Variants in BUB1B observed in about 807,000 individuals in gnomAD.
BUB1B encodes the protein BUB1 mitotic checkpoint serine/threonine kinase B.
In BUB1B, 86 loss-of-function variants were observed where a neutral mutation model predicts 137.7. The observed-to-expected ratio is 0.62, with a 90% CI of 0.52 to 0.75. The LOEUF (loss-of-function observed/expected upper bound fraction) is 0.75, where lower values mean the gene tolerates loss of function less well. Among genes scored for constraint, BUB1B ranks in the 30% least tolerant of loss-of-function variants. The pLI, the probability that BUB1B is intolerant of heterozygous loss-of-function variation, is 0.00. For synonymous variants in BUB1B, 420 were observed against 417.9 expected, an observed-to-expected ratio of 1.00 and a Z score of -0.06; for missense variants, 1,130 against 1,236.9, an observed-to-expected ratio of 0.91 and a Z score of 1.30.
intron 10 of BUB1B, 32 bp downstream of exon 10, chr15:40,199,759 A>T (rs950702845): frequency 2.1e-6 from 3 of 1,440,726 alleles, no homozygotes; most frequent in African/African-American, 2.8e-5. Context: ...ACAAAACTAG[A>T]ATTTATTGAA....
chr15:40,199,166 T>C (rs2037533438), intron 9 of BUB1B, among the ~76,000 whole-genome samples: 1 of 152,210 alleles, frequency 6.6e-6, no homozygotes, highest in African/African-American at 2.4e-5. Flanking sequence ...CAGAATGATC[T>C]TCCCTGATCA....
At position 40,208,322 on chromosome 15, in the gene BUB1B, G is replaced by A. The variant is rs563998139; in HGVS notation, c.2010-315G>A. Among the ~76,000 whole-genome samples the A allele has an allele frequency of 8.7e-4, 132 of 152,280 alleles. 1 individual carries two copies. The highest frequency in any genetic ancestry group is 3.4e-3 in the Middle Eastern group (1 of 294). On this transcript the variant is annotated intron_variant, in intron 15 of 22. Coordinates refer to ENST00000287598, the MANE Select transcript of BUB1B (RefSeq NM_001211.6). ...GGAGGCTGAGACGGGTGGACCATCT[G>A]AAGTCAGGAGTTCAAGACCAGTCTG...
intron 5 of BUB1B, among the ~76,000 whole-genome samples, chr15:40,180,763 C>T (rs1224609923): frequency 6.7e-6 from 1 of 149,690 alleles, no homozygotes; most frequent in Non-Finnish European, 1.5e-5. Context: ...CATTCTCCTG[C>T]CTCAGCCTCC....
At chr15:40,180,718 C>G (rs1274202266) in intron 5 of BUB1B, among the ~76,000 whole-genome samples, 5 of 134,380 alleles carry the variant, frequency 3.7e-5, no homozygotes, top group African/African-American at 2.8e-5. Flanking sequence ...GGCGCAATCT[C>G]GGCTCACTGC....
chr15:40,162,838 A>G (rs1235955656), intron 1 of BUB1B, among the ~76,000 whole-genome samples: 1 of 152,162 alleles, frequency 6.6e-6, no homozygotes, highest in Non-Finnish European at 1.5e-5. Flanking sequence ...TTCAACAAAC[A>G]GGGCATAATA....
Position 40,210,018 on chromosome 15 carries a change from C to G in BUB1B, c.2285-92C>G, listed in dbSNP as rs2037691092. On this transcript the variant is annotated intron_variant, in intron 17 of 22. Transcript: ENST00000287598. Reference sequence around the variant, plus strand: ...TAGATACTACTAACTGGCAAATACACCAGTGCCTCTATCCCTTAAACCAGG... The same window carrying G: ...TAGATACTACTAACTGGCAAATACAGCAGTGCCTCTATCCCTTAAACCAGG... 3 of 1,099,552 alleles carry G rather than the reference C, an allele frequency of 2.7e-6. No homozygotes were observed. In the East Asian group the frequency reaches 7.2e-5, roughly 27 times the overall value. 68.1% of individuals were successfully genotyped at this position (1,099,552 alleles called of 1,614,324 possible).
At position 40,164,916 on chromosome 15, in the gene BUB1B, A is replaced by G; in HGVS notation, c.36-137A>G. The G allele has an allele frequency of 6.5e-6, 7 of 1,081,346 alleles. 1 individual carries two copies. The South Asian group carries it at 7.0e-5, about 11-fold the overall frequency. 67.0% of individuals were successfully genotyped at this position (1,081,346 alleles called of 1,614,324 possible). On this transcript the variant is annotated intron_variant, in intron 1 of 22. Coordinates refer to ENST00000287598, the MANE Select transcript of BUB1B (RefSeq NM_001211.6). ...AACAAAGAAGCTTAGGCATATAATA[A>G]TAATAATAATTATGTGTCAGTCCAC... is the stretch of plus-strand genomic sequence containing the variant.
intron 19 of BUB1B, among the ~76,000 whole-genome samples, chr15:40,213,080 C>A (rs190683364): frequency 2.7e-4 from 41 of 149,826 alleles, no homozygotes; most frequent in African/African-American, 9.4e-4. Flanking sequence ...ATTTTAAATC[C>A]ATTTATTAAG....
intron 5 of BUB1B, among the ~76,000 whole-genome samples, chr15:40,177,265 C>T (rs1448302188): frequency 1.3e-5 from 2 of 152,058 alleles, no homozygotes; most frequent in Non-Finnish European, 2.9e-5. Context: ...TTGTATGGAT[C>T]GTGCTTTTGA....
chr15:40,220,690 A>C lies in BUB1B; in HGVS notation c.3084A>C (p.Gln1028His). 6.2e-7 allele frequency: 1 copy of C among 1,614,208 alleles called. No homozygotes were observed. Among genetic ancestry groups the C allele is most frequent in the Non-Finnish European group, 8.5e-7 (1 of 1,180,042 alleles). ...ATGGGGTTTTTGACACTACATTCCA[A>C]AGTCACCTGAACAAAGCCTTATGGA... ...EMNGVFDTTF[Q>H]SHLNKALWKV... The change falls in exon 23 of 23, where the codon CAA (glutamine) becomes CAC (histidine). Residue 1028 changes from glutamine (Q) to histidine (H), a missense_variant. Transcript: ENST00000287598.
chr15:40,199,628 C>G lies in BUB1B; in HGVS notation c.1302C>G (p.Thr434=). ...LKEQREAELL[T]SAEKRAEMQK... ...TACTGTTTCTAGCCGAGCTATTGAC[C>G]AGTGCAGAGAAGAGAGCAGAAATGC... Residue 434 remains threonine (T), a synonymous_variant, in exon 10 of 23, where the codon ACC becomes ACG. Transcript: ENST00000287598. 1 of 1,613,792 alleles carries G rather than the reference C, an allele frequency of 6.2e-7. No homozygotes were observed. Among genetic ancestry groups the G allele is most frequent in the Middle Eastern group, 1.7e-4 (1 of 6,060 alleles).
intron 2 of BUB1B, among the ~76,000 whole-genome samples, chr15:40,168,994 T>G (rs2037131097): frequency 6.6e-6 from 1 of 152,228 alleles, no homozygotes; most frequent in African/African-American, 2.4e-5. Flanking sequence ...TAGTTCATTT[T>G]TCATTTGTGT....
At chr15:40,182,510 C>G (rs1466956796) in intron 5 of BUB1B, among the ~76,000 whole-genome samples, 1 of 152,174 alleles carries the variant, frequency 6.6e-6, no homozygotes, top group Non-Finnish European at 1.5e-5. Flanking sequence ...AAGACCTTTG[C>G]TGTGTTGCTT....
At chr15:40,193,041 G>A (rs1354103118) in intron 8 of BUB1B, among the ~76,000 whole-genome samples, 1 of 151,634 alleles carries the variant, frequency 6.6e-6, no homozygotes, top group Non-Finnish European at 1.5e-5. Context: ...TTAAAGATGG[G>A]GTCTCACTGT....
intron 2 of BUB1B, 30 bp from the exon 3 acceptor site, chr15:40,170,032 A>G (rs1157348193): frequency 5.1e-6 from 8 of 1,570,928 alleles, no homozygotes; most frequent in Middle Eastern, 1.7e-4. Context: ...TCACTATTGC[A>G]TATGCTAACT....
At chr15:40,187,613 A>G (rs190012403) in intron 8 of BUB1B, among the ~76,000 whole-genome samples, 230 of 152,176 alleles carry the variant, frequency 1.5e-3, no homozygotes, top group South Asian at 8.7e-3. Context: ...CAATTATAAT[A>G]ATAAAGAAAA....
At position 40,212,575 on chromosome 15, in the gene BUB1B, A is replaced by C; in HGVS notation, c.2462A>C (p.His821Pro). Residue 821 changes from histidine (H) to proline (P), a missense_variant, in exon 19 of 23, where the codon CAT (histidine) becomes CCT (proline). Coordinates refer to ENST00000287598, the MANE Select transcript of BUB1B (RefSeq NM_001211.6). The stretch of plus-strand genomic sequence containing the variant: ...GAACGTTTAAATGAAGATTTTGATC[A>C]TTTTTGCAGCTGTTATCAATATCAA... ...LKERLNEDFD[H>P]FCSCYQYQDG... is the part of the protein sequence containing the mutation. 1 of 1,613,610 alleles carries C rather than the reference A, an allele frequency of 6.2e-7. No homozygotes were observed. The highest frequency in any genetic ancestry group is 2.2e-5 in the East Asian group (1 of 44,830).
intron 15 of BUB1B, among the ~76,000 whole-genome samples, chr15:40,207,880 T>A (rs1332714405): frequency 2.6e-4 from 39 of 147,830 alleles, no homozygotes; most frequent in Admixed American, 1.2e-3. Context: ...CTAATAAAAA[T>A]AAAAAAAAAA....
Position 40,213,401 on chromosome 15 carries a change from A to G in BUB1B, c.2605A>G (p.Ile869Val), listed in dbSNP as rs1595535434. The change falls in exon 20 of 23, where the codon ATA (isoleucine) becomes GTA (valine). Residue 869 changes from isoleucine (I) to valine (V), a missense_variant. By Grantham distance (29) the Ile-to-Val change is conservative (BLOSUM62 3). Coordinates refer to ENST00000287598, the MANE Select transcript of BUB1B (RefSeq NM_001211.6). ...GTTGATTATTTATAACCTTTTGACA[A>G]TAGTGGAGATGCTACACAAAGCAGA... ...TVLIIYNLLT[I>V]VEMLHKAEIV... is the part of the protein sequence containing the mutation. 1 of 1,613,958 alleles carries G rather than the reference A, an allele frequency of 6.2e-7. No homozygotes were observed. Among genetic ancestry groups the G allele is most frequent in the South Asian group, 1.1e-5 (1 of 91,072 alleles).
Sources: allele counts gnomAD v4.1 joint callset (sites outside exome capture counted in the v4.1 genomes callset), GRCh38; gene constraint gnomAD v4.1.1; transcripts MANE v1.5; gene names NCBI Gene and HGNC (gene_info 2026-07-23, HGNC 2026-07-21).